The following CD99 variants were observed in gnomAD, a reference collection of about 807,000 sequenced individuals.
CD99 encodes CD99 antigen.
Under a neutral mutation model 28.4 loss-of-function variants are expected in CD99, and 19 were observed. The observed-to-expected ratio is 0.67, with a 90% CI of 0.47 to 0.98. The LOEUF is 0.98. Among genes scored for constraint, CD99 ranks in the 50% least tolerant of loss-of-function variants. The probability of loss-of-function intolerance (pLI) is 0.00; values close to 1 mark genes in which losing one functional copy is unlikely to be tolerated. For missense variants in CD99, 283 were observed against 248.8 expected (o/e 1.14, Z -0.92); for synonymous variants, 103 against 92.1 (o/e 1.12, Z -0.67).
At position 2,723,368 on chromosome X, in the gene CD99, G is replaced by C. The variant is rs779072742; in HGVS notation, c.361+4G>C. ...CACAGGAAAGAAGGGGAAGAGGGTA[G>C]GTGCACCTGGCTTCTGTCTTCTTGT... On this transcript the variant is annotated splice_donor_region_variant and intron_variant, in intron 7 of 9. Transcript: ENST00000381192. 1.2e-6 allele frequency: 2 copies of C among 1,613,934 alleles called. No homozygotes were observed. The highest frequency in any genetic ancestry group is 1.7e-6 in the Non-Finnish European group (2 of 1,179,852).
intron 1 of CD99, among the ~76,000 whole-genome samples, chrX:2,694,076 C>T (rs186986811): frequency 1.2e-4 from 18 of 152,166 alleles, no homozygotes; most frequent in Non-Finnish European, 2.2e-4. Flanking sequence ...AGTTAGGAGC[C>T]TGCCGTCCCG....
At chrX:2,696,281 C>G (rs1047775570) in intron 1 of CD99, among the ~76,000 whole-genome samples, 27 of 152,248 alleles carry the variant, frequency 1.8e-4, no homozygotes, top group Non-Finnish European at 8.8e-5. Context: ...TGCTTCACCT[C>G]TGTTCTCCCA....
At chrX:2,708,099 A>T (rs1049170996) in intron 1 of CD99, among the ~76,000 whole-genome samples, 1 of 151,942 alleles carries the variant, frequency 6.6e-6, no homozygotes, top group African/African-American at 2.4e-5. Flanking sequence ...GCATCCATTT[A>T]TATACACCTG....
intron 1 of CD99, among the ~76,000 whole-genome samples, chrX:2,693,332 C>T (rs535479940): frequency 4.3e-5 from 6 of 137,984 alleles, no homozygotes; most frequent in African/African-American, 1.0e-4. Flanking sequence ...GGGAAGAGTA[C>T]CTGTCTATGG....
In CD99 at chrX:2,726,181, C is replaced by T. The variant is rs1019385136; in HGVS notation, c.362-79C>T. 27 of 825,618 alleles carry T rather than the reference C, an allele frequency of 3.3e-5. No individual in the cohort carries two copies. In the African/African-American group the frequency reaches 4.2e-4, roughly 13 times the overall value. 51.1% of individuals were successfully genotyped at this position (825,618 alleles called of 1,614,324 possible). A position where few individuals can be genotyped will look rare whatever the true frequency, so the allele number is the denominator to read the frequency against. On this transcript the variant is annotated intron_variant, in intron 7 of 9. Coordinates refer to ENST00000381192, the MANE Select transcript of CD99 (RefSeq NM_002414.5). ...ATCTTGGTGCTCTCAGACTGACTGT[C>T]TCTGCCAGCCACTGCCCCCTGGGAT...
At chrX:2,728,834 C>CTT (rs1332444102) in intron 8 of CD99, among the ~76,000 whole-genome samples, 8,140 of 119,584 alleles carry the variant, frequency 0.068, 499 homozygotes, top group African/African-American at 0.12. Context: ...AACTCTCTGG[C>CTT]TTTTTTTTTT....
chrX:2,737,932 C>G (rs906682632), intron 8 of CD99: 13 of 675,848 alleles, frequency 1.9e-5, no homozygotes, highest in Non-Finnish European at 3.3e-5. Context: ...GAAAGCAACC[C>G]TTAAAATAGA....
At chrX:2,730,957 A>G (rs1176915977) in intron 8 of CD99, among the ~76,000 whole-genome samples, 2 of 151,746 alleles carry the variant, frequency 1.3e-5, no homozygotes, top group African/African-American at 4.8e-5. Context: ...AAGAGAAAGA[A>G]AACAAAAACA....
At chrX:2,721,284 CT>C (rs1280322971) in intron 5 of CD99, among the ~76,000 whole-genome samples, 5 of 148,618 alleles carry the variant, frequency 3.4e-5, no homozygotes, top group African/African-American at 7.4e-5. Context: ...TTTTATATAT[CT>C]TTTTTTTTTC....
Position 2,723,328 on chromosome X carries a change from G to T in CD99, c.325G>T (p.Asp109Tyr). 1 of 1,613,982 alleles carries T rather than the reference G, an allele frequency of 6.2e-7. No homozygotes were observed. Among genetic ancestry groups the T allele is most frequent in the Non-Finnish European group, 8.5e-7 (1 of 1,179,866 alleles). Residue 109 changes from aspartate to tyrosine, a missense_variant, in exon 7 of 10, where the codon GAT (aspartate) becomes TAT (tyrosine). Physicochemically the swap from Asp to Tyr is radical, Grantham distance 160. Transcript: ENST00000381192. ...VSGGEGKGGS[D>Y]GGGSHRKEGE... The stretch of plus-strand genomic sequence containing the variant: ...TTGTCTTGCAGGAAAAGGAGGCAGT[G>T]ATGGTGGAGGCAGCCACAGGAAAGA...
At chrX:2,712,734 A>G (rs1398092769) in intron 1 of CD99, among the ~76,000 whole-genome samples, 2 of 152,000 alleles carry the variant, frequency 1.3e-5, no homozygotes, top group African/African-American at 4.8e-5. Flanking sequence ...TCTACTTTCT[A>G]CTTATTGTTG....
Position 2,740,757 on chromosome X carries a change from CTT to C in CD99, c.533-19_533-18del. ...TGCTCAGGGACCTGGGAATGACTTT[CTT>C]TTGTCTCTGTCTCCCACAGTTCAGC... On this transcript the variant is annotated intron_variant, in intron 9 of 9. Transcript: ENST00000381192. 6.2e-7 allele frequency: 1 copy of C among 1,613,644 alleles called. No individual in the cohort carries two copies. The highest frequency in any genetic ancestry group is 2.2e-5 in the East Asian group (1 of 44,872).
At chrX:2,694,802 A>G (rs1199096183) in intron 1 of CD99, among the ~76,000 whole-genome samples, 1 of 152,084 alleles carries the variant, frequency 6.6e-6, no homozygotes, top group African/African-American at 2.4e-5. Flanking sequence ...TTCTCTGTGT[A>G]TGAGACAGAG....
chrX:2,730,229 A>G (rs55667937), intron 8 of CD99, among the ~76,000 whole-genome samples: 1 of 150,818 alleles, frequency 6.6e-6, no homozygotes, highest in African/African-American at 2.4e-5. Context: ...CTGGAGTGCA[A>G]TGGCGTGATC....
At chrX:2,697,142 C>G (rs5939301) in intron 1 of CD99, among the ~76,000 whole-genome samples, 9 of 152,000 alleles carry the variant, frequency 5.9e-5, no homozygotes, top group Non-Finnish European at 1.3e-4. Context: ...GCTTTTGTTC[C>G]GCTCCCTCTG....
chrX:2,737,476 C>A (rs937035741), intron 8 of CD99, among the ~76,000 whole-genome samples: 23 of 147,844 alleles, frequency 1.6e-4, no homozygotes, highest in African/African-American at 5.7e-4. Context: ...TGCCCAGCCT[C>A]TGCATTTATT....
chrX:2,710,200 C>T (rs752364064), intron 1 of CD99, among the ~76,000 whole-genome samples: 2 of 152,170 alleles, frequency 1.3e-5, no homozygotes, highest in Non-Finnish European at 2.9e-5. Context: ...GTGTTCCGGC[C>T]GTGGGGTGTC....
chrX:2,705,820 A>T (rs1349084758), intron 1 of CD99, among the ~76,000 whole-genome samples: 1 of 152,182 alleles, frequency 6.6e-6, no homozygotes, highest in Non-Finnish European at 1.5e-5. Context: ...GCAACAGAAA[A>T]GTAAGGGTGT....
intron 9 of CD99, among the ~76,000 whole-genome samples, chrX:2,739,513 G>A (rs1400196123): frequency 1.3e-5 from 2 of 151,708 alleles, no homozygotes; most frequent in East Asian, 3.9e-4. Context: ...GCAGTGGTGC[G>A]ACCTCTGCTC....
Sources: gnomAD v4.1 joint callset for allele counts (sites outside exome capture counted in the v4.1 genomes callset) on GRCh38, gnomAD v4.1.1 for gene constraint, MANE v1.5 for transcripts, NCBI Gene and HGNC (gene_info 2026-07-23, HGNC 2026-07-21) for gene names.